The following ROBO1 variants were observed in gnomAD, a reference collection of about 807,000 sequenced individuals.
ROBO1 encodes roundabout guidance receptor 1, also known as roundabout homolog 1.
ROBO1 carries 149 observed loss-of-function variants against 195.9 expected under a neutral mutation model. That is an observed-to-expected ratio of 0.76 (90% CI 0.67 to 0.87). The LOEUF is 0.87. Among genes scored for constraint, ROBO1 ranks in the 40% least tolerant of loss-of-function variants. The pLI is 0.00. For synonymous variants in ROBO1, 816 were observed against 733.2 expected, an observed-to-expected ratio of 1.11 and a Z score of -1.82; for missense variants, 1,933 against 2,068.3, an observed-to-expected ratio of 0.93 and a Z score of 1.27.
chr3:79,625,154 G>GA (rs1316569296), intron 1 of ROBO1, among the ~76,000 whole-genome samples: 2 of 151,744 alleles, frequency 1.3e-5, no homozygotes, highest in African/African-American at 4.8e-5. Context: ...AAACCAATGA[G>GA]AAAAAAGCAA....
chr3:79,595,692 C>A (rs984561011), intron 1 of ROBO1, among the ~76,000 whole-genome samples: 1 of 151,638 alleles, frequency 6.6e-6, no homozygotes, highest in Non-Finnish European at 1.5e-5. Flanking sequence ...GTGTGCACCA[C>A]CACACTTGGC....
intron 1 of ROBO1, among the ~76,000 whole-genome samples, chr3:79,628,464 C>G (rs963915842): frequency 1.3e-5 from 2 of 152,082 alleles, no homozygotes; most frequent in African/African-American, 4.8e-5. Flanking sequence ...AGGAGAACGA[C>G]ACACATCAGG....
chr3:78,928,464 G>T (rs1420807697), intron 4 of ROBO1, among the ~76,000 whole-genome samples: 1 of 151,978 alleles, frequency 6.6e-6, no homozygotes, highest in African/African-American at 2.4e-5. Flanking sequence ...AAAAGAAAAA[G>T]AAAAATGTTA....
intron 4 of ROBO1, among the ~76,000 whole-genome samples, chr3:78,773,635 A>C (rs528608502): frequency 9.2e-5 from 14 of 152,264 alleles, no homozygotes; most frequent in Middle Eastern, 3.4e-3. Flanking sequence ...ATGTATTTGG[A>C]CAGGAAAGAA....
At chr3:79,177,126 T>C (rs2081272936) in intron 2 of ROBO1, among the ~76,000 whole-genome samples, 1 of 152,184 alleles carries the variant, frequency 6.6e-6, no homozygotes, top group South Asian at 2.1e-4. Context: ...AAATTTTTCA[T>C]TTCTTGATTG....
chr3:78,659,882 C>T (rs1707278448), intron 16 of ROBO1, 75 bp from the exon 17 acceptor site: 1 of 1,161,158 alleles, frequency 8.6e-7, no homozygotes. Context: ...AATATCAAAC[C>T]CAATAATAGA....
At chr3:79,318,440 T>G (rs1242217571) in intron 2 of ROBO1, among the ~76,000 whole-genome samples, 2 of 152,228 alleles carry the variant, frequency 1.3e-5, no homozygotes, top group African/African-American at 4.8e-5. Flanking sequence ...AGTAACTTTC[T>G]GCCAGTACAT....
chr3:78,962,912 T>C (rs1223611411), intron 3 of ROBO1, among the ~76,000 whole-genome samples: 1 of 151,234 alleles, frequency 6.6e-6, no homozygotes, highest in South Asian at 2.1e-4. Context: ...GTAACACCTG[T>C]TATTATTACC....
At position 78,646,210 on chromosome 3, in the gene ROBO1, A is replaced by G. The variant is rs747590274; in HGVS notation, c.2840-20T>C. 16 of 1,604,514 alleles carry G rather than the reference A, an allele frequency of 1.0e-5. No individual in the cohort carries two copies. The Middle Eastern group carries it at 5.0e-4, about 50-fold the overall frequency. ...AAGTTACTAGAATGTTACGAAAAAAAAAAGGAACAATTAATAGACATATTT... is the reference window on the plus strand; with the variant it reads ...AAGTTACTAGAATGTTACGAAAAAAGAAAGGAACAATTAATAGACATATTT... On this transcript the variant is annotated intron_variant, in intron 20 of 30. Transcript: ENST00000464233.
At chr3:78,846,592 T>G (rs971899713) in intron 4 of ROBO1, among the ~76,000 whole-genome samples, 1 of 152,118 alleles carries the variant, frequency 6.6e-6, no homozygotes, top group Non-Finnish European at 1.5e-5. Flanking sequence ...TTTGAAAATA[T>G]AATATTTGAT....
chr3:79,290,249 G>T (rs2109025293), intron 2 of ROBO1, among the ~76,000 whole-genome samples: 1 of 152,038 alleles, frequency 6.6e-6, no homozygotes, highest in East Asian at 1.9e-4. Flanking sequence ...GGCCAGGCTG[G>T]TCTCGAACCC....
At chr3:79,259,732 T>C (rs1181993528) in intron 2 of ROBO1, among the ~76,000 whole-genome samples, 2 of 152,108 alleles carry the variant, frequency 1.3e-5, no homozygotes, top group Non-Finnish European at 2.9e-5. Context: ...AGAAAAAATC[T>C]AATAATTCCA....
intron 2 of ROBO1, among the ~76,000 whole-genome samples, chr3:79,432,179 T>C (rs951017556): frequency 1.3e-5 from 2 of 152,102 alleles, no homozygotes; most frequent in Non-Finnish European, 2.9e-5. Context: ...TCTGAACTCC[T>C]TAATGCCATT....
At chr3:79,022,696 T>A (rs897479894) in intron 3 of ROBO1, among the ~76,000 whole-genome samples, 2 of 152,184 alleles carry the variant, frequency 1.3e-5, no homozygotes, top group Non-Finnish European at 2.9e-5. Flanking sequence ...TAACTTGTAC[T>A]CAGGAACCCT....
intron 2 of ROBO1, among the ~76,000 whole-genome samples, chr3:79,437,680 T>G (rs2038931799): frequency 6.6e-6 from 1 of 151,986 alleles, no homozygotes; most frequent in Admixed American, 6.6e-5. Context: ...TGGTTCTATG[T>G]GTATAGAGTG....
At position 79,018,454 on chromosome 3, in the gene ROBO1, G is replaced by A. The variant is rs569511834; in HGVS notation, c.173-79527C>T. On this transcript the variant is annotated intron_variant, in intron 3 of 30. Coordinates refer to ENST00000464233, the MANE Select transcript of ROBO1 (RefSeq NM_002941.4). ...AAACAGGTAAAAGTGAGCGGGCTCCGCAATCATTGTCCTCGGGTGGATCCT... is the reference window on the plus strand; with the variant it reads ...AAACAGGTAAAAGTGAGCGGGCTCCACAATCATTGTCCTCGGGTGGATCCT... 6.8e-6 allele frequency: 11 copies of A among 1,613,790 alleles called. No individual in the cohort carries two copies. In the Admixed American group the frequency reaches 1.3e-4, roughly 20 times the overall value.
At chr3:79,250,765 T>C (rs2082713710) in intron 2 of ROBO1, among the ~76,000 whole-genome samples, 1 of 152,142 alleles carries the variant, frequency 6.6e-6, no homozygotes, top group Non-Finnish European at 1.5e-5. Context: ...CTATTAAAAA[T>C]GAAATGAGGG....
intron 1 of ROBO1, among the ~76,000 whole-genome samples, chr3:79,643,789 CAAAG>C (rs1945736894): frequency 6.6e-6 from 1 of 151,798 alleles, no homozygotes; most frequent in Non-Finnish European, 1.5e-5. Flanking sequence ...CACTAAGCCA[CAAAG>C]AAAGACAGTA....
At chr3:78,912,205 C>T (rs1291967338) in intron 4 of ROBO1, among the ~76,000 whole-genome samples, 1 of 152,022 alleles carries the variant, frequency 6.6e-6, no homozygotes, top group Non-Finnish European at 1.5e-5. Flanking sequence ...AATATACATA[C>T]ATATTTTTCA....
Sources: gnomAD v4.1 joint callset for allele counts (sites outside exome capture counted in the v4.1 genomes callset) on GRCh38, gnomAD v4.1.1 for gene constraint, MANE v1.5 for transcripts, NCBI Gene and HGNC (gene_info 2026-07-23, HGNC 2026-07-21) for gene names.